CCDC88A: variants seen among roughly 807,000 people sequenced by gnomAD.
CCDC88A encodes girdin.
In CCDC88A, 54 loss-of-function variants were observed where a neutral mutation model predicts 234.3. The observed-to-expected ratio is 0.23, with a 90% CI of 0.19 to 0.29. The LOEUF is 0.29. Among genes scored for constraint, CCDC88A ranks in the 10% least tolerant of loss-of-function variants. The pLI is 1.00. For missense variants in CCDC88A, 1,832 were observed against 2,123.4 expected (o/e 0.86, Z 2.70); for synonymous variants, 753 against 737.8 (o/e 1.02, Z -0.33).
At chr2:55,337,026 T>C (rs1685528559) in intron 13 of CCDC88A, 1 of 399,366 alleles carries the variant, frequency 2.5e-6, no homozygotes, top group East Asian at 4.6e-5. Context: ...CTTATCCTTG[T>C]GCATCTTTTG....
At chr2:55,308,744 A>T in intron 25 of CCDC88A, 65 bp downstream of exon 25, 4 of 1,228,156 alleles carry the variant, frequency 3.3e-6, no homozygotes, top group Non-Finnish European at 3.5e-6. Context: ...GGACTACTGA[A>T]GTTTTAAAAA....
intron 7 of CCDC88A, 71 bp from the exon 8 acceptor site, chr2:55,355,822 T>G: frequency 8.2e-7 from 1 of 1,214,078 alleles, no homozygotes; most frequent in African/African-American, 1.5e-5. Flanking sequence ...CATGATCCAC[T>G]AGGTCTAAGA....
chr2:55,303,195 A>C (rs921580078), intron 25 of CCDC88A, 43 bp from the exon 26 acceptor site: 1 of 1,180,650 alleles, frequency 8.5e-7, no homozygotes, highest in African/African-American at 1.5e-5. Context: ...CAGGGAGATG[A>C]AAGAAAAAAG....
At chr2:55,396,714 C>A (rs1316062292) in intron 2 of CCDC88A, among the ~76,000 whole-genome samples, 1 of 151,590 alleles carries the variant, frequency 6.6e-6, no homozygotes, top group East Asian at 1.9e-4. Context: ...ACTAAAAATA[C>A]AAAAAATTAG....
chr2:55,372,087 C>T (rs1377336939), intron 5 of CCDC88A, among the ~76,000 whole-genome samples: 1 of 151,938 alleles, frequency 6.6e-6, no homozygotes, highest in East Asian at 1.9e-4. Flanking sequence ...CCCTTCTCTT[C>T]TCCCTTCCCT....
chr2:55,298,753 T>C lies in CCDC88A; in HGVS notation c.4825+1086A>G, dbSNP rs116049072. Among the ~76,000 whole-genome samples the C allele has an allele frequency of 1.2e-3, 189 of 151,622 alleles. 1 individual carries two copies. The highest frequency in any genetic ancestry group is 3.9e-3 in the African/African-American group (162 of 41,306). On this transcript the variant is annotated intron_variant, in intron 29 of 32. Coordinates refer to ENST00000436346, the MANE Select transcript of CCDC88A (RefSeq NM_001365480.1). ...CTGGGCATGGTGGCATGGGTCTCTG[T>C]AGTCCCAGTTACGTGGGAGGCTGAC...
intron 29 of CCDC88A, among the ~76,000 whole-genome samples, chr2:55,298,989 CAGG>C (rs1161195403): frequency 6.6e-6 from 1 of 151,976 alleles, no homozygotes. Context: ...CACCTGAGGT[CAGG>C]AGTTCAAGAC....
At chr2:55,295,445 T>C (rs990402670) in intron 31 of CCDC88A, 152 bp downstream of exon 31, 2 of 1,555,762 alleles carry the variant, frequency 1.3e-6, no homozygotes, top group Non-Finnish European at 1.7e-6. Flanking sequence ...AAGTTTGGTT[T>C]AGAAAATGTG....
rs991974975 is a variant in CCDC88A, at chr2:55,379,424, T to C, written c.274-4541A>G. Among the ~76,000 whole-genome samples, 3 of 152,114 alleles carry C rather than the reference T, an allele frequency of 2.0e-5. 1 individual carries two copies. Among genetic ancestry groups the C allele is most frequent in the Admixed American group, 6.5e-5 (1 of 15,270 alleles). ...GAAATAAAGTATTTCAGCAATTCAATTGAAAGAGAAAAAGGTTTTGAGAAA... is the reference window on the plus strand; with the variant it reads ...GAAATAAAGTATTTCAGCAATTCAACTGAAAGAGAAAAAGGTTTTGAGAAA... On this transcript the variant is annotated intron_variant, in intron 3 of 32. Transcript: ENST00000436346.
intron 25 of CCDC88A, chr2:55,308,358 A>G (rs1681901195): frequency 1.3e-5 from 2 of 153,286 alleles, no homozygotes; most frequent in African/African-American, 4.8e-5. Context: ...CCCCAAATGT[A>G]ACTTTGTTCC....
At chr2:55,348,185 T>C (rs918775785) in intron 9 of CCDC88A, among the ~76,000 whole-genome samples, 1 of 152,148 alleles carries the variant, frequency 6.6e-6, no homozygotes, top group African/African-American at 2.4e-5. Flanking sequence ...GGCAGGTCTT[T>C]AACTCCTGGG....
intron 26 of CCDC88A, chr2:55,302,756 T>G (rs1242336949): frequency 5.5e-6 from 1 of 183,180 alleles, no homozygotes; most frequent in African/African-American, 2.4e-5. Flanking sequence ...TTAAGTAAAC[T>G]TCTTTGGGAA....
At chr2:55,351,057 T>G (rs1669810313) in intron 8 of CCDC88A, among the ~76,000 whole-genome samples, 1 of 152,226 alleles carries the variant, frequency 6.6e-6, no homozygotes, top group African/African-American at 2.4e-5. Context: ...TTTTAGTAAA[T>G]AAGCTCATTA....
In CCDC88A at chr2:55,363,961, G is replaced by A; in HGVS notation, c.475C>T (p.His159Tyr). The A allele has an allele frequency of 1.3e-6, 2 of 1,589,978 alleles. No individual in the cohort carries two copies. The highest frequency in any genetic ancestry group is 1.7e-6 in the Non-Finnish European group (2 of 1,162,352). Reference protein sequence around the residue: ...DFDTKAAVAAHIQEVTHNQEN... With the variant: ...DFDTKAAVAAYIQEVTHNQEN... ...ATATATGTCATTACCTCTTGAATATGTGCGGCAACCGCTGCTTTTGTATCA... is the reference window on the plus strand; with the variant it reads ...ATATATGTCATTACCTCTTGAATATATGCGGCAACCGCTGCTTTTGTATCA... The change falls in exon 6 of 33, where the codon CAT becomes TAT. Residue 159 changes from histidine (H) to tyrosine (Y), a missense_variant. By Grantham distance (83) the His-to-Tyr change is moderately conservative (BLOSUM62 2). This residue lies in a region of CCDC88A where 1,282 missense variants were observed against 1,543.6 expected (regional missense o/e 0.83). Coordinates refer to ENST00000436346, the MANE Select transcript of CCDC88A (RefSeq NM_001365480.1).
intron 3 of CCDC88A, among the ~76,000 whole-genome samples, chr2:55,379,245 T>C (rs902987703): frequency 1.3e-5 from 2 of 151,838 alleles, no homozygotes; most frequent in Non-Finnish European, 2.9e-5. Context: ...ATTAAAGAAA[T>C]GGAAAAAGAA....
At position 55,374,897 on chromosome 2, in the gene CCDC88A, TC is replaced by T; in HGVS notation, c.274-15del. 1 of 1,560,718 alleles carries T rather than the reference TC, an allele frequency of 6.4e-7. No individual in the cohort carries two copies. Among genetic ancestry groups the T allele is most frequent in the Non-Finnish European group, 8.8e-7 (1 of 1,133,246 alleles). On this transcript the variant is annotated splice_polypyrimidine_tract_variant and intron_variant, in intron 3 of 32. Transcript: ENST00000436346. ...CTGCAAAGTCTCCTGTAAAAAAATA[TC>T]CAACACTTGTTATATGGGTAATGCT...
chr2:55,368,501 T>G (rs1672342861), intron 5 of CCDC88A, among the ~76,000 whole-genome samples: 1 of 152,008 alleles, frequency 6.6e-6, no homozygotes, highest in Non-Finnish European at 1.5e-5. Flanking sequence ...AAAAATTTTT[T>G]TTTGTATAAA....
chr2:55,307,598 G>A (rs1681767084), intron 25 of CCDC88A, among the ~76,000 whole-genome samples: 3 of 151,674 alleles, frequency 2.0e-5, no homozygotes, highest in Admixed American at 6.6e-5. Flanking sequence ...CAGGTGATCC[G>A]CCCGCCTCGC....
At chr2:55,384,287 T>A (rs1381394978) in intron 3 of CCDC88A, among the ~76,000 whole-genome samples, 4 of 146,690 alleles carry the variant, frequency 2.7e-5, no homozygotes, top group Non-Finnish European at 5.9e-5. Context: ...ATTGCACCAC[T>A]GCACTCCAGC....
Sources: gnomAD v4.1 joint callset for allele counts (sites outside exome capture counted in the v4.1 genomes callset) on GRCh38, gnomAD v4.1.1 for gene constraint, gnomAD v4.1.1 regional missense constraint, MANE v1.5 for transcripts, NCBI Gene and HGNC (gene_info 2026-07-23, HGNC 2026-07-21) for gene names.